Variants in SRCAP observed in about 807,000 individuals in gnomAD.
SRCAP encodes Snf2 related CREBBP activator protein, also known as chromatin remodeling protein SRCAP.
SRCAP carries 46 observed loss-of-function variants against 263.1 expected under a neutral mutation model. The observed-to-expected ratio is 0.17, with a 90% confidence interval of 0.14 to 0.22. The LOEUF (loss-of-function observed/expected upper bound fraction) is 0.22. Among genes scored for constraint, SRCAP ranks in the 10% least tolerant of loss-of-function variants. The pLI, the probability that SRCAP is intolerant of heterozygous loss-of-function variation, is 1.00. For synonymous variants in SRCAP, 1,813 were observed against 1,662.1 expected (o/e 1.09, Z -2.21); for missense variants, 3,695 against 4,181.9 (o/e 0.88, Z 3.21).
rs141288104 is a variant in SRCAP, at chr16:30,720,894, G to A, written c.3169G>A (p.Gly1057Arg). 21 of 1,613,918 alleles carry A rather than the reference G, an allele frequency of 1.3e-5. No homozygotes were observed. Among genetic ancestry groups the A allele is most frequent in the South Asian group, 5.5e-5 (5 of 91,070 alleles). The change falls in exon 20 of 34, where the codon GGG becomes AGG. Residue 1057 changes from glycine to arginine, a missense_variant. This residue lies in a region of SRCAP where 1,347 missense variants were observed against 1,304.4 expected (regional missense o/e 1.03). Coordinates refer to ENST00000262518, the MANE Select transcript of SRCAP (RefSeq NM_006662.3). ...ACTGATGGTTTCAGCCTCACCTGCCGGGCCCCCGCTTATTCCTGCATCTCG... is the reference window on the plus strand; with the variant it reads ...ACTGATGGTTTCAGCCTCACCTGCCAGGCCCCCGCTTATTCCTGCATCTCG... ...ASLMVSASPA[G>R]PPLIPASRPP... is the part of the protein sequence containing the mutation.
At chr16:30,714,050 A>G (rs1201796240) in intron 16 of SRCAP, among the ~76,000 whole-genome samples, 19 of 149,808 alleles carry the variant, frequency 1.3e-4, no homozygotes, top group Non-Finnish European at 7.4e-5. Flanking sequence ...GGCACCCGCC[A>G]CAAAGCCTGG....
In SRCAP at chr16:30,729,189, T is replaced by C. The variant is rs1369320805; in HGVS notation, c.5882T>C (p.Phe1961Ser). Residue 1961 changes from phenylalanine to serine, a missense_variant, in exon 26 of 34, where the codon TTT becomes TCT. Coordinates refer to ENST00000262518, the MANE Select transcript of SRCAP (RefSeq NM_006662.3). Reference protein sequence around the residue: ...YTEAAHRAVLFPQQRLDQLSE... With the variant: ...YTEAAHRAVLSPQQRLDQLSE... ...GAGGCTGCCCACCGGGCTGTACTGT[T>C]TCCCCAGCAGCGACTAGACCAGCTG... 14 of 1,612,834 alleles carry C rather than the reference T, an allele frequency of 8.7e-6. 1 individual carries two copies. The East Asian group carries it at 3.1e-4, about 36-fold the overall frequency.
rs1448885234 is a variant in SRCAP at position 30,722,583 on chromosome 16, T to G, written c.3727T>G (p.Ser1243Ala). ...PLQRNVVHLV[S>A]AGGQHHLISQ... ...CCCAGGGAATGTGGTGCACCTCGTGTCAGCAGGGGGGCAGCACCATCTCAT... is the reference window on the plus strand; with the variant it reads ...CCCAGGGAATGTGGTGCACCTCGTGGCAGCAGGGGGGCAGCACCATCTCAT... The change falls in exon 23 of 34, where the codon TCA becomes GCA. Residue 1243 changes from serine (S) to alanine (A), a missense_variant. By Grantham distance (99) the Ser-to-Ala change is moderately conservative (BLOSUM62 1). Transcript: ENST00000262518. 1 of 1,614,078 alleles carries G rather than the reference T, an allele frequency of 6.2e-7. No individual in the cohort carries two copies. The highest frequency in any genetic ancestry group is 1.1e-5 in the South Asian group (1 of 91,070).
chr16:30,726,222 A>T (rs969752739), intron 25 of SRCAP: 3 of 152,020 alleles, frequency 2.0e-5, no homozygotes, highest in Non-Finnish European at 4.4e-5. Flanking sequence ...ATTTGTTTTT[A>T]TGTTGAATAA....
chr16:30,717,322 G>A (rs1293268683), intron 18 of SRCAP, among the ~76,000 whole-genome samples: 1 of 152,076 alleles, frequency 6.6e-6, no homozygotes, highest in Non-Finnish European at 1.5e-5. Flanking sequence ...TGAGCTGTAG[G>A]ACTTCATTAT....
At chr16:30,732,789 C>T (rs368369598) in intron 27 of SRCAP, among the ~76,000 whole-genome samples, 15 of 152,242 alleles carry the variant, frequency 9.9e-5, no homozygotes, top group African/African-American at 2.9e-4. Flanking sequence ...TGGAGCAGAC[C>T]GAAGAGGTGA....
intron 27 of SRCAP, among the ~76,000 whole-genome samples, chr16:30,731,307 T>G (rs1244302594): frequency 6.6e-6 from 1 of 152,198 alleles, no homozygotes; most frequent in Non-Finnish European, 1.5e-5. Flanking sequence ...GGTTGGGGCC[T>G]TCTTCACCTG....
intron 16 of SRCAP, among the ~76,000 whole-genome samples, chr16:30,714,286 C>T (rs2052923149): frequency 6.6e-6 from 1 of 151,150 alleles, no homozygotes; most frequent in African/African-American, 2.4e-5. Flanking sequence ...GGATGGTCTC[C>T]ATCTCCTGAC....
intron 14 of SRCAP, 67 bp from the exon 15 acceptor site, chr16:30,713,141 G>A: frequency 1.3e-6 from 2 of 1,512,592 alleles, no homozygotes; most frequent in East Asian, 2.3e-5. Flanking sequence ...GAGGAGTTTA[G>A]CATGTCTTCC....
rs1196832371 is a variant in SRCAP at position 30,724,246 on chromosome 16, C to G, written c.4822C>G (p.Pro1608Ala). The change falls in exon 25 of 34, where the codon CCT (proline) becomes GCT (alanine). Residue 1608 changes from proline to alanine, a missense_variant. Pro to Ala is a conservative substitution (Grantham distance 27). Transcript: ENST00000262518. ...LAPSPAPPLA[P>A]LPVLAPSPGA... Reference sequence around the variant, plus strand: ...TCCTTCTCCAGCTCCTCCTCTGGCTCCTCTTCCGGTCCTGGCACCATCGCC... The same window carrying G: ...TCCTTCTCCAGCTCCTCCTCTGGCTGCTCTTCCGGTCCTGGCACCATCGCC... 18 of 1,613,998 alleles carry G rather than the reference C, an allele frequency of 1.1e-5. No individual in the cohort carries two copies. The highest frequency in any genetic ancestry group is 1.5e-5 in the Non-Finnish European group (18 of 1,180,014).
chr16:30,733,912 A>G lies in SRCAP; in HGVS notation c.6513A>G (p.Thr2171=), dbSNP rs369734800. 1 of 1,614,026 alleles carries G rather than the reference A, an allele frequency of 6.2e-7. No individual in the cohort carries two copies. Among genetic ancestry groups the G allele is most frequent in the Non-Finnish European group, 8.5e-7 (1 of 1,180,034 alleles). ...CCCCTAGGCTTATCAGTGAACGGAC[A>G]GTGGAGGAGAACATCCTAAAAAAGG... ...VHIYRLISER[T]VEENILKKAN... Residue 2171 remains threonine, a synonymous_variant, in exon 30 of 34, where the codon ACA becomes ACG. Coordinates refer to ENST00000262518, the MANE Select transcript of SRCAP (RefSeq NM_006662.3). This position sits in a 1 kb window ranked among gnomAD's most constrained non-coding sequence, Gnocchi z 5.3.
At chr16:30,717,372 C>G (rs893987377) in intron 18 of SRCAP, among the ~76,000 whole-genome samples, 1 of 152,026 alleles carries the variant, frequency 6.6e-6, no homozygotes, top group Non-Finnish European at 1.5e-5. Context: ...GTATGACTTG[C>G]AAATATTTTG....
intron 8 of SRCAP, 132 bp downstream of exon 8, chr16:30,710,260 G>A (rs2052873176): frequency 2.1e-6 from 2 of 940,676 alleles, no homozygotes; most frequent in Admixed American, 5.8e-5. Flanking sequence ...GGGCTCTTTG[G>A]GGATGACTGG....
chr16:30,727,919 C>G (rs2053078379), intron 25 of SRCAP, among the ~76,000 whole-genome samples: 1 of 151,880 alleles, frequency 6.6e-6, no homozygotes. Flanking sequence ...ATAGGAGGCT[C>G]AAACCATCCA....
rs1292205640 is a variant in SRCAP at position 30,733,363 on chromosome 16, A to T, written c.6211A>T (p.Met2071Leu). The change falls in exon 28 of 34, where the codon ATG becomes TTG. Residue 2071 changes from methionine to leucine, a missense_variant. Met to Leu is a conservative substitution (Grantham distance 15, BLOSUM62 2). Transcript: ENST00000262518. This position sits in a 1 kb window ranked among gnomAD's most constrained non-coding sequence, Gnocchi z 5.3. Reference protein sequence around the residue: ...RVLIFTQMTRMLDVLEQFLTY... With the variant: ...RVLIFTQMTRLLDVLEQFLTY... ...GCTCATCTTCACCCAGATGACCCGAATGCTGGATGTATTGGAGCAGTTTCT... is the reference window on the plus strand; with the variant it reads ...GCTCATCTTCACCCAGATGACCCGATTGCTGGATGTATTGGAGCAGTTTCT... 1 of 1,614,006 alleles carries T rather than the reference A, an allele frequency of 6.2e-7. No homozygotes were observed. Among genetic ancestry groups the T allele is most frequent in the African/African-American group, 1.3e-5 (1 of 74,890 alleles).
At chr16:30,710,883 C>G in intron 9 of SRCAP, 36 bp downstream of exon 9, 1 of 1,608,776 alleles carries the variant, frequency 6.2e-7, no homozygotes, top group Non-Finnish European at 8.5e-7. Context: ...TGCCCCTTAC[C>G]CCTTGAATGA....
intron 33 of SRCAP, 127 bp from the exon 34 acceptor site, chr16:30,736,922 C>A (rs2053165716): frequency 1.8e-6 from 2 of 1,099,098 alleles, no homozygotes; most frequent in East Asian, 4.8e-5. Flanking sequence ...GACCTGCTGG[C>A]CTTAACTTCC....
intron 21 of SRCAP, 36 bp downstream of exon 21, chr16:30,721,512 A>T: frequency 6.3e-7 from 1 of 1,594,768 alleles, no homozygotes; most frequent in Non-Finnish European, 8.5e-7. Context: ...GGGACTTGAG[A>T]TGGGAGGAAA....
In SRCAP at chr16:30,738,344, G is replaced by A. The variant is rs745882651; in HGVS notation, c.8304G>A (p.Arg2768=). The change falls in exon 34 of 34, where the codon CGG becomes CGA. Residue 2768 remains arginine, a synonymous_variant. Coordinates refer to ENST00000262518, the MANE Select transcript of SRCAP (RefSeq NM_006662.3). ...AAAAGGAACTGGTGCGGCGGCGGCGGCAGCAGCGGGGAGCTGCCAGCACCC... is the reference window on the plus strand; with the variant it reads ...AAAAGGAACTGGTGCGGCGGCGGCGACAGCAGCGGGGAGCTGCCAGCACCC... ...VEEKELVRRR[R]QQRGAASTLV... 1.5e-5 allele frequency: 23 copies of A among 1,570,940 alleles called. No homozygotes were observed. In the East Asian group the frequency reaches 4.9e-4, roughly 34 times the overall value.
Sources: gnomAD v4.1 joint callset for allele counts (sites outside exome capture counted in the v4.1 genomes callset) on GRCh38, gnomAD v4.1.1 for gene constraint, gnomAD v4.1.1 regional missense constraint, Gnocchi (gnomAD v3.1) non-coding constraint, MANE v1.5 for transcripts, NCBI Gene and HGNC (gene_info 2026-07-23, HGNC 2026-07-21) for gene names.